The following ASH1L variants were observed in gnomAD, a reference collection of about 807,000 sequenced individuals.
ASH1L encodes the protein ASH1 like histone lysine methyltransferase.
A neutral mutation model predicts 269.0 loss-of-function variants in ASH1L; 23 were observed. The ratio of observed to expected loss-of-function variants is 0.09; its 90% CI spans 0.06 to 0.12. The LOEUF (loss-of-function observed/expected upper bound fraction) is 0.12. Among genes scored for constraint, ASH1L ranks in the 10% least tolerant of loss-of-function variants. The probability of loss-of-function intolerance (pLI) is 1.00; values close to 1 mark genes in which losing one functional copy is unlikely to be tolerated. For missense variants in ASH1L, 2,912 were observed against 3,567.8 expected, an observed-to-expected ratio of 0.82 and a Z score of 4.68; for synonymous variants, 1,187 against 1,253.5, an observed-to-expected ratio of 0.95 and a Z score of 1.12.
intron 2 of ASH1L, among the ~76,000 whole-genome samples, chr1:155,505,727 G>A (rs938505640): frequency 2.0e-5 from 3 of 152,032 alleles, no homozygotes; most frequent in African/African-American, 7.2e-5. Context: ...TACAGTATTT[G>A]AATTATATCT....
intron 22 of ASH1L, 81 bp downstream of exon 22, chr1:155,344,102 G>T: frequency 8.1e-7 from 1 of 1,242,070 alleles, no homozygotes; most frequent in Non-Finnish European, 1.2e-6. Context: ...TGGAGACAAT[G>T]ACTATGATGG....
intron 3 of ASH1L, among the ~76,000 whole-genome samples, chr1:155,470,992 C>T (rs1236966979): frequency 6.6e-6 from 1 of 152,150 alleles, no homozygotes; most frequent in African/African-American, 2.4e-5. Flanking sequence ...GATATCTGAG[C>T]CTGAATTAAT....
At chr1:155,434,114 T>G (rs1571205999) in intron 5 of ASH1L, 5 of 1,595,150 alleles carry the variant, frequency 3.1e-6, no homozygotes, top group Non-Finnish European at 4.3e-6. Flanking sequence ...ACCAGTATCC[T>G]TTCCTCTGGC....
intron 2 of ASH1L, among the ~76,000 whole-genome samples, chr1:155,484,049 G>A (rs183870923): frequency 2.6e-5 from 4 of 152,246 alleles, no homozygotes; most frequent in East Asian, 3.9e-4. Context: ...AAAGATTAGC[G>A]AAAATAGTGA....
At chr1:155,553,873 C>T (rs1411130598) in intron 1 of ASH1L, among the ~76,000 whole-genome samples, 18 of 151,260 alleles carry the variant, frequency 1.2e-4, no homozygotes, top group African/African-American at 3.9e-4. Context: ...CTCGGCTCAC[C>T]GCAACCTCTA....
At chr1:155,447,418 C>T (rs1483146989) in intron 4 of ASH1L, among the ~76,000 whole-genome samples, 2 of 151,930 alleles carry the variant, frequency 1.3e-5, no homozygotes, top group South Asian at 2.1e-4. Context: ...TTGGTAGAGA[C>T]GGGGTTTCAT....
chr1:155,480,521 G>C lies in ASH1L; in HGVS notation c.2349C>G (p.Ser783Arg), dbSNP rs2148726896. 1 of 1,614,124 alleles carries C rather than the reference G, an allele frequency of 6.2e-7. No homozygotes were observed. Among genetic ancestry groups the C allele is most frequent in the Non-Finnish European group, 8.5e-7 (1 of 1,179,978 alleles). The change falls in exon 3 of 28, where the codon AGC becomes AGG. Residue 783 changes from serine to arginine, a missense_variant. This residue lies in a region of ASH1L where 715 missense variants were observed against 721.0 expected (regional missense o/e 0.99). Coordinates refer to ENST00000392403, the MANE Select transcript of ASH1L (RefSeq NM_018489.3). ...DFLKRRLPKL[S>R]KSTAPSLALL... is the part of the protein sequence containing the mutation. Reference sequence around the variant, plus strand: ...GAGCAAGAGATGGAGCTGTGGATTTGCTCAACTTTGGCAATCGGCGTTTAA... The same window carrying C: ...GAGCAAGAGATGGAGCTGTGGATTTCCTCAACTTTGGCAATCGGCGTTTAA...
chr1:155,338,987 G>A (rs778275308), intron 26 of ASH1L, among the ~76,000 whole-genome samples: 1 of 152,252 alleles, frequency 6.6e-6, no homozygotes, highest in Non-Finnish European at 1.5e-5. Flanking sequence ...AAACTGTACT[G>A]GCTACATCTG....
rs979174111 is a variant in ASH1L at position 155,357,475 on chromosome 1, T to C, written c.6961-65A>G. The C allele has an allele frequency of 2.5e-6, 4 of 1,592,834 alleles. No homozygotes were observed. The African/African-American group carries it at 5.4e-5, about 21-fold the overall frequency. On this transcript the variant is annotated intron_variant, in intron 14 of 27. Transcript: ENST00000392403. Reference sequence around the variant, plus strand: ...ATCAGTCAGAAATAATCTCCAAGAATATTAAAACCACTCTTAAGATGCCAC... The same window carrying C: ...ATCAGTCAGAAATAATCTCCAAGAACATTAAAACCACTCTTAAGATGCCAC...
intron 1 of ASH1L, among the ~76,000 whole-genome samples, chr1:155,561,714 T>C (rs1352236619): frequency 1.3e-5 from 2 of 152,102 alleles, no homozygotes; most frequent in Admixed American, 1.3e-4. Flanking sequence ...AACACTGAGA[T>C]CATCCTGTCG....
intron 5 of ASH1L, chr1:155,434,174 G>A (rs1661880394): frequency 6.3e-7 from 1 of 1,594,336 alleles, no homozygotes; most frequent in Admixed American, 1.8e-5. Context: ...TCACTTCACT[G>A]CACTGTACTC....
rs78065815 is a variant in ASH1L at position 155,413,026 on chromosome 1, G to A, written c.6008+2718C>T. ...ACACAGTCTGAGAGGTTCTCCCTAA[G>A]CAAGAAATAAAACTTGAATTTTATT... On this transcript the variant is annotated intron_variant, in intron 6 of 27. Transcript: ENST00000392403. Among the ~76,000 whole-genome samples, 935 of 152,044 alleles carry A rather than the reference G, an allele frequency of 6.1e-3. 10 individuals carry two copies. Among genetic ancestry groups the A allele is most frequent in the African/African-American group, 0.022 (910 of 41,468 alleles).
chr1:155,463,657 AGTG>A (rs1367291167), intron 3 of ASH1L, among the ~76,000 whole-genome samples: 1 of 152,060 alleles, frequency 6.6e-6, no homozygotes, highest in Non-Finnish European at 1.5e-5. Flanking sequence ...AGCTGGGCAT[AGTG>A]GTGCATACCC....
At chr1:155,543,666 T>A (rs1670596660) in intron 1 of ASH1L, among the ~76,000 whole-genome samples, 1 of 151,994 alleles carries the variant, frequency 6.6e-6, no homozygotes, top group South Asian at 2.1e-4. Flanking sequence ...GCATGGTGGC[T>A]CACATCTATA....
chr1:155,497,260 C>T (rs963730161), intron 2 of ASH1L, among the ~76,000 whole-genome samples: 1 of 152,094 alleles, frequency 6.6e-6, no homozygotes, highest in African/African-American at 2.4e-5. Context: ...TCACAACAGC[C>T]AAAAGCAGGC....
At position 155,354,515 on chromosome 1, in the gene ASH1L, G is replaced by A; in HGVS notation, c.7171C>T (p.Arg2391Cys). The A allele has an allele frequency of 4.3e-6, 7 of 1,612,402 alleles. No individual in the cohort carries two copies. Among genetic ancestry groups the A allele is most frequent in the East Asian group, 2.2e-5 (1 of 44,858 alleles). Residue 2391 changes from arginine to cysteine, a missense_variant, in exon 16 of 28, where the codon CGT (arginine) becomes TGT (cysteine). Physicochemically the swap from Arg to Cys is radical, Grantham distance 180. Transcript: ENST00000392403. Reference sequence around the variant, plus strand: ...TCATCTCGGCAGATCCCATTCCAACGGGTATATAATGATGCTGAGTGAATA... The same window carrying A: ...TCATCTCGGCAGATCCCATTCCAACAGGTATATAATGATGCTGAGTGAATA... ...DNIHSASLYT[R>C]WNGICRDDGN...
At chr1:155,372,860 G>A (rs1656088361) in intron 10 of ASH1L, among the ~76,000 whole-genome samples, 1 of 152,052 alleles carries the variant, frequency 6.6e-6, no homozygotes, top group Admixed American at 6.6e-5. Flanking sequence ...TACATTAATT[G>A]AAATGACATT....
chr1:155,357,463 A>C, intron 14 of ASH1L, 53 bp from the exon 15 acceptor site: 1 of 1,591,750 alleles, frequency 6.3e-7, no homozygotes, highest in Non-Finnish European at 8.6e-7. Context: ...AGTCAGAAAT[A>C]ATCTCCAAGA....
intron 2 of ASH1L, among the ~76,000 whole-genome samples, chr1:155,517,801 T>TC (rs1332927291): frequency 4.9e-5 from 6 of 121,364 alleles, no homozygotes; most frequent in Non-Finnish European, 1.8e-5. Flanking sequence ...TTCTTTTTTT[T>TC]TTTTTTTTTT....
Sources: allele counts gnomAD v4.1 joint callset (sites outside exome capture counted in the v4.1 genomes callset), GRCh38; gene constraint gnomAD v4.1.1; regional missense constraint gnomAD v4.1.1; transcripts MANE v1.5; gene names NCBI Gene and HGNC (gene_info 2026-07-23, HGNC 2026-07-21).